The following C2orf69 variants were observed in gnomAD, a reference collection of about 807,000 sequenced individuals.
The protein encoded by C2orf69 is mitochondrial protein C2orf69.
In C2orf69, 19 loss-of-function variants were observed where a neutral mutation model predicts 29.5. The observed-to-expected ratio is 0.65, with a 90% CI of 0.45 to 0.95. The LOEUF (loss-of-function observed/expected upper bound fraction) is 0.95. Among genes scored for constraint, C2orf69 ranks in the 40% least tolerant of loss-of-function variants. The pLI, the probability that C2orf69 is intolerant of heterozygous loss-of-function variation, is 0.00. For missense variants in C2orf69, 416 were observed against 482.1 expected (o/e 0.86, Z 1.28); for synonymous variants, 194 against 180.0 (o/e 1.08, Z -0.62).
rs886662841 is a variant in C2orf69 at position 199,918,164 on chromosome 2, G to A, written c.333+6393G>A. Among the ~76,000 whole-genome samples the A allele has an allele frequency of 3.3e-5, 5 of 152,150 alleles. No individual in the cohort carries two copies. In the South Asian group the frequency reaches 1.0e-3, roughly 31 times the overall value. ...AACTACAATTCAAGATGAGATTTTG[G>A]TGGGGACACAACCAAACCATATATC... On this transcript the variant is annotated intron_variant, in intron 1 of 1. Transcript: ENST00000319974.
intron 1 of C2orf69, among the ~76,000 whole-genome samples, chr2:199,912,445 G>A (rs2077268417): frequency 6.6e-6 from 1 of 152,014 alleles, no homozygotes; most frequent in South Asian, 2.1e-4. Context: ...GCCATATATG[G>A]CTATCTGAAT....
Position 199,911,703 on chromosome 2 carries a change from G to C in C2orf69, c.265G>C (p.Asp89His). Residue 89 changes from aspartate to histidine, a missense_variant, in exon 1 of 2, where the codon GAC becomes CAC. By Grantham distance (81) the Asp-to-His change is moderately conservative (BLOSUM62 -1). Around this residue, in one of 4 missense-constraint regions of C2orf69, gnomAD observed 175 missense variants for 139.9 expected, o/e 1.25. Coordinates refer to ENST00000319974, the MANE Select transcript of C2orf69 (RefSeq NM_153689.6). The stretch of plus-strand genomic sequence containing the variant: ...ACTGGAGCGGCAGGACCTCCCCGGG[G>C]ACCCAGCGAAGGAGGAGCCGCAGCC... ...EGLERQDLPG[D>H]PAKEEPQPPP... The C allele has an allele frequency of 6.5e-7, 1 of 1,545,760 alleles. No homozygotes were observed. Among genetic ancestry groups the C allele is most frequent in the Admixed American group, 2.0e-5 (1 of 51,008 alleles).
At chr2:199,920,684 C>T (rs538236019) in intron 1 of C2orf69, among the ~76,000 whole-genome samples, 4 of 151,836 alleles carry the variant, frequency 2.6e-5, no homozygotes, top group African/African-American at 9.7e-5. Context: ...GGGCCAGGCG[C>T]GGTGGCTCAT....
chr2:199,916,259 G>A (rs1310190435), intron 1 of C2orf69, among the ~76,000 whole-genome samples: 2 of 152,150 alleles, frequency 1.3e-5, no homozygotes, highest in African/African-American at 4.8e-5. Flanking sequence ...TATGAGAACA[G>A]CATGAAGGTA....
In C2orf69 at chr2:199,911,410, C is replaced by T. The variant is rs1034698725; in HGVS notation, c.-29C>T. ...TCAGGAACCCCTCCGCCACCCTCCA[C>T]CTCCGAACCGCTCTCGCGGCGGCGA... On this transcript the variant is annotated 5_prime_UTR_variant, in exon 1 of 2. Coordinates refer to ENST00000319974, the MANE Select transcript of C2orf69 (RefSeq NM_153689.6). 7.4e-6 allele frequency: 11 copies of T among 1,491,828 alleles called. No individual in the cohort carries two copies. The highest frequency in any genetic ancestry group is 1.3e-5 in the South Asian group (1 of 75,516). 92.4% of individuals were successfully genotyped at this position (1,491,828 alleles called of 1,614,324 possible).
At position 199,911,355 on chromosome 2, in the gene C2orf69, C is replaced by T. The variant is rs1344004438; in HGVS notation, c.-84C>T. 3.7e-6 allele frequency: 5 copies of T among 1,367,180 alleles called. No individual in the cohort carries two copies. The highest frequency in any genetic ancestry group is 4.7e-6 in the Non-Finnish European group (5 of 1,065,534). The allele number at this position is 1,367,180 out of a possible 1,614,324, so 84.7% of individuals were successfully genotyped here. ...GCCGCGGCCGCCGACCGTTGAGCCG[C>T]CGGCTGAGCCGCCTGCTGAAGTCCC... On this transcript the variant is annotated 5_prime_UTR_variant, in exon 1 of 2. Transcript: ENST00000319974.
At chr2:199,912,734 G>A (rs1376535088) in intron 1 of C2orf69, among the ~76,000 whole-genome samples, 1 of 152,000 alleles carries the variant, frequency 6.6e-6, no homozygotes, top group Non-Finnish European at 1.5e-5. Context: ...TCCGCCTCCC[G>A]GGCTCAAGTG....
chr2:199,925,781 T>C lies in C2orf69; in HGVS notation c.1053T>C (p.Phe351=). The C allele has an allele frequency of 2.5e-6, 4 of 1,613,910 alleles. No homozygotes were observed. Among genetic ancestry groups the C allele is most frequent in the East Asian group, 2.2e-5 (1 of 44,868 alleles). The part of the protein sequence containing the change: ...RSWIGKEHKK[F]VQILGDLGMQ... ...GGATTGGAAAGGAGCACAAGAAATT[T>C]GTTCAGATACTTGGGGATCTTGGTA... is the stretch of plus-strand genomic sequence containing the variant. The change falls in exon 2 of 2, where the codon TTT becomes TTC. Residue 351 remains phenylalanine (F), a synonymous_variant. Transcript: ENST00000319974. This position sits in a 1 kb window ranked among gnomAD's most constrained non-coding sequence, Gnocchi z 4.9.
rs1350481346 is a variant in C2orf69, at chr2:199,925,502, T to G, written c.774T>G (p.Phe258Leu). The change falls in exon 2 of 2, where the codon TTT becomes TTG. Residue 258 changes from phenylalanine to leucine, a missense_variant. Around this residue, in one of 4 missense-constraint regions of C2orf69, gnomAD observed 225 missense variants for 307.3 expected, o/e 0.73. Transcript: ENST00000319974. This position sits in a 1 kb window ranked among gnomAD's most constrained non-coding sequence, Gnocchi z 4.9. ...FYPPSLNDASFTLIGFSKGCV... is the reference protein window; with the variant it reads ...FYPPSLNDASLTLIGFSKGCV... ...CACCATCACTAAATGACGCATCTTTTACTTTGATTGGATTCAGTAAAGGTT... is the reference window on the plus strand; with the variant it reads ...CACCATCACTAAATGACGCATCTTTGACTTTGATTGGATTCAGTAAAGGTT... 3 of 1,613,810 alleles carry G rather than the reference T, an allele frequency of 1.9e-6. No homozygotes were observed. Among genetic ancestry groups the G allele is most frequent in the Non-Finnish European group, 2.5e-6 (3 of 1,179,864 alleles).
chr2:199,925,200 C>A lies in C2orf69; in HGVS notation c.472C>A (p.His158Asn), dbSNP rs1216516368. ...GATAAAATGTTCCCGAATGCATTTGCACAAATTCAGCTGCTATGACAATTT... is the reference window on the plus strand; with the variant it reads ...GATAAAATGTTCCCGAATGCATTTGAACAAATTCAGCTGCTATGACAATTT... ...WVIKCSRMHLHKFSCYDNFVK... is the reference protein window; with the variant it reads ...WVIKCSRMHLNKFSCYDNFVK... Residue 158 changes from histidine (H) to asparagine (N), a missense_variant, in exon 2 of 2, where the codon CAC becomes AAC. Physicochemically the swap from His to Asn is moderately conservative, Grantham distance 68. Coordinates refer to ENST00000319974, the MANE Select transcript of C2orf69 (RefSeq NM_153689.6). This position sits in a 1 kb window ranked among gnomAD's most constrained non-coding sequence, Gnocchi z 4.9. 6.2e-7 allele frequency: 1 copy of A among 1,612,660 alleles called. No homozygotes were observed. Among genetic ancestry groups the A allele is most frequent in the Non-Finnish European group, 8.5e-7 (1 of 1,179,806 alleles).
At position 199,925,415 on chromosome 2, in the gene C2orf69, T is replaced by C; in HGVS notation, c.687T>C (p.Gly229=). 6.2e-7 allele frequency: 1 copy of C among 1,613,834 alleles called. No individual in the cohort carries two copies. Among genetic ancestry groups the C allele is most frequent in the Non-Finnish European group, 8.5e-7 (1 of 1,179,828 alleles). ...CCAGTCCTTCTCATACTACGAATGG[T>C]TGCCAGGGAGAAAAAGTGAGGACCT... is the stretch of plus-strand genomic sequence containing the variant. ...CRSSPSHTTN[G]CQGEKVRTCE... Residue 229 remains glycine (G), a synonymous_variant, in exon 2 of 2, where the codon GGT becomes GGC. Transcript: ENST00000319974. The surrounding 1 kb of genome is among the most constrained non-coding windows in gnomAD (Gnocchi z 4.9).
At chr2:199,922,232 A>T (rs1447453306) in intron 1 of C2orf69, among the ~76,000 whole-genome samples, 1 of 151,496 alleles carries the variant, frequency 6.6e-6, no homozygotes, top group African/African-American at 2.4e-5. Flanking sequence ...AGTAGCTGGG[A>T]CTACAGGGGC....
intron 1 of C2orf69, among the ~76,000 whole-genome samples, chr2:199,913,481 AAT>A (rs369894062): frequency 2.9e-5 from 3 of 104,710 alleles, no homozygotes; most frequent in Non-Finnish European, 5.3e-5. Flanking sequence ...TATTATATAA[AAT>A]ATATATTATA....
At chr2:199,914,199 A>T (rs141747813) in intron 1 of C2orf69, among the ~76,000 whole-genome samples, 26 of 152,084 alleles carry the variant, frequency 1.7e-4, no homozygotes, top group African/African-American at 6.0e-4. Context: ...TCATGGCTTT[A>T]CTCACTACCT....
rs1404508977 is a variant in C2orf69 at position 199,911,575 on chromosome 2, C to T, written c.137C>T (p.Ser46Leu). 2 of 1,549,702 alleles carry T rather than the reference C, an allele frequency of 1.3e-6. No homozygotes were observed. Among genetic ancestry groups the T allele is most frequent in the Non-Finnish European group, 1.7e-6 (2 of 1,146,700 alleles). ...AGCGGCGGCGCGCGATGCTCCCTCT[C>T]GGCCGAGGTGCGCCGCCGTCAGTGC... ...GGSGGARCSL[S>L]AEVRRRQCLQ... The change falls in exon 1 of 2, where the codon TCG (serine) becomes TTG (leucine). Residue 46 changes from serine to leucine, a missense_variant. This residue lies in a region of C2orf69 where 175 missense variants were observed against 139.9 expected (regional missense o/e 1.25). Transcript: ENST00000319974.
At chr2:199,919,217 A>G (rs1355964540) in intron 1 of C2orf69, among the ~76,000 whole-genome samples, 2 of 152,214 alleles carry the variant, frequency 1.3e-5, no homozygotes, top group African/African-American at 4.8e-5. Context: ...GGCCTCCCAA[A>G]GAGCTGGGAT....
chr2:199,911,490 C>G lies in C2orf69; in HGVS notation c.52C>G (p.Gln18Glu), dbSNP rs1239293269. ...GCCGCCGTTGCTGCTCCTGCTGCCG[C>G]AGCTCGGAATCGGAAACGCCTCGTC... ...RSPPLLLLLPQLGIGNASSCS... is the reference protein window; with the variant it reads ...RSPPLLLLLPELGIGNASSCS... The change falls in exon 1 of 2, where the codon CAG becomes GAG. Residue 18 changes from glutamine to glutamate, a missense_variant. By Grantham distance (29) the Gln-to-Glu change is conservative. Transcript: ENST00000319974. The G allele has an allele frequency of 1.3e-6, 2 of 1,547,162 alleles. No homozygotes were observed. The highest frequency in any genetic ancestry group is 1.7e-6 in the Non-Finnish European group (2 of 1,145,426).
chr2:199,923,197 T>C (rs1321590080), intron 1 of C2orf69, among the ~76,000 whole-genome samples: 1 of 152,224 alleles, frequency 6.6e-6, no homozygotes, highest in Non-Finnish European at 1.5e-5. Flanking sequence ...AAGTAATAAT[T>C]TTCCACCTTG....
rs774449498 is a variant in C2orf69, at chr2:199,925,219, A to G, written c.491A>G (p.Asp164Gly). The part of the protein sequence containing the change: ...RMHLHKFSCY[D>G]NFVKSNMFGA... ...CATTTGCACAAATTCAGCTGCTATG[A>G]CAATTTTGTGAAAAGTAACATGTTT... The change falls in exon 2 of 2, where the codon GAC (aspartate) becomes GGC (glycine). Residue 164 changes from aspartate to glycine, a missense_variant. Coordinates refer to ENST00000319974, the MANE Select transcript of C2orf69 (RefSeq NM_153689.6). This position sits in a 1 kb window ranked among gnomAD's most constrained non-coding sequence, Gnocchi z 4.9. The G allele has an allele frequency of 1.9e-6, 3 of 1,612,518 alleles. No homozygotes were observed. The highest frequency in any genetic ancestry group is 2.5e-6 in the Non-Finnish European group (3 of 1,179,846).
Sources: allele counts gnomAD v4.1 joint callset (sites outside exome capture counted in the v4.1 genomes callset), GRCh38; gene constraint gnomAD v4.1.1; regional missense constraint gnomAD v4.1.1; non-coding constraint Gnocchi (gnomAD v3.1); transcripts MANE v1.5; gene names NCBI Gene and HGNC (gene_info 2026-07-23, HGNC 2026-07-21).